The following RTCB variants were observed in gnomAD, a reference collection of about 807,000 sequenced individuals.
RTCB encodes the protein RNA 2',3'-cyclic phosphate and 5'-OH ligase.
A neutral mutation model predicts 58.2 loss-of-function variants in RTCB; 32 were observed. That is an observed-to-expected ratio of 0.55 (90% CI 0.41 to 0.74). The LOEUF (loss-of-function observed/expected upper bound fraction) is 0.74, where lower values mean the gene tolerates loss of function less well. RTCB is among the 30% of genes least tolerant of loss of function. The pLI is 0.00. For synonymous variants in RTCB, 247 were observed against 218.6 expected (o/e 1.13, Z -1.15); for missense variants, 523 against 639.0 (o/e 0.82, Z 1.96).
chr22:32,403,823 A>T (rs1394924236), intron 4 of RTCB, among the ~76,000 whole-genome samples: 3 of 152,228 alleles, frequency 2.0e-5, no homozygotes, highest in Non-Finnish European at 4.4e-5. Context: ...GAACTCATTC[A>T]TCTTAAAACT....
In RTCB at chr22:32,397,840, C is replaced by G; in HGVS notation, c.814+101G>C. 4.5e-6 allele frequency: 5 copies of G among 1,112,874 alleles called. No homozygotes were observed. In the Admixed American group the frequency reaches 1.4e-4, roughly 31 times the overall value. The allele number at this position is 1,112,874 out of a possible 1,614,324, so 68.9% of individuals were successfully genotyped here. ...GTCCAAGTTATTTAATTGTTGAGGA[C>G]TCAGGATAAAACCCATGCAGTATAT... On this transcript the variant is annotated intron_variant, in intron 7 of 11. Transcript: ENST00000216038.
At position 32,408,835 on chromosome 22, in the gene RTCB, T is replaced by TA. The variant is rs1933472620; in HGVS notation, c.94-3dup. On this transcript the variant is annotated splice_polypyrimidine_tract_variant and splice_region_variant and intron_variant, in intron 1 of 11. Coordinates refer to ENST00000216038, the MANE Select transcript of RTCB (RefSeq NM_014306.5). Reference sequence around the variant, plus strand: ...ATTCACATAGAAAACACCTTCAACCTAGTACCAAGGAAAGTGAAAAGCAAT... The same window carrying TA: ...ATTCACATAGAAAACACCTTCAACCTAAGTACCAAGGAAAGTGAAAAGCAAT... The TA allele has an allele frequency of 2.5e-6, 4 of 1,610,520 alleles. No individual in the cohort carries two copies. In the African/African-American group the frequency reaches 5.3e-5, roughly 22 times the overall value.
intron 11 of RTCB, among the ~76,000 whole-genome samples, chr22:32,390,304 T>C (rs1425001673): frequency 1.3e-5 from 2 of 152,216 alleles, no homozygotes; most frequent in East Asian, 1.9e-4. Flanking sequence ...TAGTACGTGT[T>C]AGCTGAGTAA....
intron 9 of RTCB, among the ~76,000 whole-genome samples, chr22:32,394,235 C>T (rs1032742686): frequency 2.8e-4 from 43 of 151,950 alleles, no homozygotes; most frequent in African/African-American, 9.9e-4. Flanking sequence ...CCTCAGCCTC[C>T]CGAGTTGCTG....
Position 32,401,869 on chromosome 22 carries a change from G to A in RTCB, c.375C>T (p.Arg125=). ...TTTCATCTAAATTGGTTCTTAGCAAGCGGACACCACAGTTGATGTCAAACC... is the reference window on the plus strand; with the variant it reads ...TTTCATCTAAATTGGTTCTTAGCAAACGGACACCACAGTTGATGTCAAACC... ...GVGFDINCGV[R]LLRTNLDESD... Residue 125 remains arginine, a synonymous_variant, in exon 5 of 12, where the codon CGC becomes CGT. Coordinates refer to ENST00000216038, the MANE Select transcript of RTCB (RefSeq NM_014306.5). 6.2e-7 allele frequency: 1 copy of A among 1,614,072 alleles called. No homozygotes were observed. Among genetic ancestry groups the A allele is most frequent in the East Asian group, 2.2e-5 (1 of 44,872 alleles).
Position 32,396,251 on chromosome 22 carries a change from TG to T in RTCB, c.815-3del. On this transcript the variant is annotated splice_region_variant and splice_polypyrimidine_tract_variant and intron_variant, in intron 7 of 11. Transcript: ENST00000216038. ...CCTTCTCCATAGCTACCAGCGCATC[TG>T]GAACAAGAGCCACAAAGTCCAAACC... 6.2e-7 allele frequency: 1 copy of T among 1,613,858 alleles called. No individual in the cohort carries two copies.
chr22:32,408,506 T>A (rs772594360), intron 2 of RTCB, among the ~76,000 whole-genome samples: 2 of 152,234 alleles, frequency 1.3e-5, no homozygotes, highest in Non-Finnish European at 2.9e-5. Context: ...TCACTTGCTA[T>A]TATTGTTCAA....
chr22:32,393,805 G>T, intron 10 of RTCB, 87 bp downstream of exon 10: 1 of 919,480 alleles, frequency 1.1e-6, no homozygotes, highest in Non-Finnish European at 1.8e-6. Flanking sequence ...CTCTGTTAAT[G>T]TTCAATCAGC....
At chr22:32,408,091 T>TTTTA in intron 3 of RTCB, 84 bp downstream of exon 3, 1 of 1,259,870 alleles carries the variant, frequency 7.9e-7, no homozygotes, top group Admixed American at 1.8e-5. Context: ...ATTGTCTAAA[T>TTTTA]GACACCACTA....
rs933189452 is a variant in RTCB, at chr22:32,392,510, T to C, written c.1291-151A>G. ...CCTTTTAAACCTCATCATATCCTTT[T>C]AGATTTTGGACCGGAGAATTCTTTG... On this transcript the variant is annotated intron_variant, in intron 10 of 11. Coordinates refer to ENST00000216038, the MANE Select transcript of RTCB (RefSeq NM_014306.5). 11 of 1,011,630 alleles carry C rather than the reference T, an allele frequency of 1.1e-5. No homozygotes were observed. In the Middle Eastern group the frequency reaches 6.0e-4, roughly 55 times the overall value. 62.7% of individuals were successfully genotyped at this position (1,011,630 alleles called of 1,614,324 possible). A position where few individuals can be genotyped will look rare whatever the true frequency, so the allele number is the denominator to read the frequency against.
chr22:32,397,798 T>A lies in RTCB; in HGVS notation c.814+143A>T, dbSNP rs1327982855. 10 of 653,148 alleles carry A rather than the reference T, an allele frequency of 1.5e-5. No individual in the cohort carries two copies. In the East Asian group the frequency reaches 2.4e-4, roughly 16 times the overall value. The allele number at this position is 653,148 out of a possible 1,614,324, so 40.5% of individuals were successfully genotyped here. Reference sequence around the variant, plus strand: ...TACTCATTTTTTTAGACAAGAAAGTTATGGCCCAGTGAATTTGTCCAAGTT... The same window carrying A: ...TACTCATTTTTTTAGACAAGAAAGTAATGGCCCAGTGAATTTGTCCAAGTT... On this transcript the variant is annotated intron_variant, in intron 7 of 11. Transcript: ENST00000216038.
chr22:32,404,938 T>C (rs997009992), intron 4 of RTCB, among the ~76,000 whole-genome samples: 2 of 152,064 alleles, frequency 1.3e-5, no homozygotes, highest in Admixed American at 6.6e-5. Context: ...CCGCCCGCCT[T>C]GGCCTCCCAA....
rs1405829574 is a variant in RTCB, at chr22:32,406,653, T to A, written c.340+9A>T. The stretch of plus-strand genomic sequence containing the variant: ...CACACTTAACAGCAGATGTCCACAG[T>A]GATCTTACCTGGGGATACTACTGCT... On this transcript the variant is annotated intron_variant, in intron 4 of 11. Transcript: ENST00000216038. The A allele has an allele frequency of 6.3e-7, 1 of 1,589,820 alleles. No homozygotes were observed. Among genetic ancestry groups the A allele is most frequent in the Non-Finnish European group, 8.6e-7 (1 of 1,158,468 alleles).
In RTCB at chr22:32,399,731, C is replaced by T; in HGVS notation, c.526G>A (p.Val176Met). Residue 176 changes from valine to methionine, a missense_variant, in exon 6 of 12, where the codon GTG (valine) becomes ATG (methionine). Val to Met is a conservative substitution (Grantham distance 21). Transcript: ENST00000216038. ...KDLEEALEMG[V>M]DWSLREGYAW... The stretch of plus-strand genomic sequence containing the variant: ...TACCCTTCTCTTAAGGACCAGTCCA[C>T]CCCCATCTCCAAGGCCTCCTCCAAG... The T allele has an allele frequency of 1.2e-6, 2 of 1,613,824 alleles. No individual in the cohort carries two copies. Among genetic ancestry groups the T allele is most frequent in the Non-Finnish European group, 1.7e-6 (2 of 1,179,876 alleles).
In RTCB at chr22:32,393,998, G is replaced by T; in HGVS notation, c.1184C>A (p.Thr395Asn). 1 of 1,602,758 alleles carries T rather than the reference G, an allele frequency of 6.2e-7. No individual in the cohort carries two copies. The highest frequency in any genetic ancestry group is 8.5e-7 in the Non-Finnish European group (1 of 1,169,638). ...HPLIAVDYQL[T>N]GQPVLIGGTM... ...GCCACCAATGAGCACTGGCTGTCCA[G>T]TGAGCTGAGGATGCACATAAATCAA... Residue 395 changes from threonine (T) to asparagine (N), a missense_variant, in exon 10 of 12, where the codon ACT becomes AAT. Coordinates refer to ENST00000216038, the MANE Select transcript of RTCB (RefSeq NM_014306.5).
At chr22:32,404,037 T>C (rs1362478747) in intron 4 of RTCB, among the ~76,000 whole-genome samples, 1 of 152,228 alleles carries the variant, frequency 6.6e-6, no homozygotes. Flanking sequence ...TTTTAAAAGA[T>C]TGATTTCTTT....
intron 1 of RTCB, among the ~76,000 whole-genome samples, chr22:32,409,946 T>C (rs1175363195): frequency 1.3e-5 from 2 of 151,808 alleles, no homozygotes; most frequent in African/African-American, 4.8e-5. Context: ...GCCTCCCGAG[T>C]AGCTGGGACT....
At chr22:32,397,688 T>C (rs1933269146) in intron 7 of RTCB, among the ~76,000 whole-genome samples, 2 of 152,238 alleles carry the variant, frequency 1.3e-5, no homozygotes, top group African/African-American at 4.8e-5. Context: ...AACTAACATT[T>C]ATTGAGTGTT....
At chr22:32,397,711 A>T (rs1885895047) in intron 7 of RTCB, among the ~76,000 whole-genome samples, 1 of 152,224 alleles carries the variant, frequency 6.6e-6, no homozygotes, top group African/African-American at 2.4e-5. Context: ...CTAATGTCAA[A>T]CATTAAGTGC....
Sources: allele counts gnomAD v4.1 joint callset (sites outside exome capture counted in the v4.1 genomes callset), GRCh38; gene constraint gnomAD v4.1.1; transcripts MANE v1.5; gene names NCBI Gene and HGNC (gene_info 2026-07-23, HGNC 2026-07-21).